Variants in NSD3 observed in about 807,000 individuals in gnomAD.
NSD3 encodes nuclear receptor binding SET domain protein 3, also known as histone-lysine N-methyltransferase NSD3.
A neutral mutation model predicts 160.8 loss-of-function variants in NSD3; 24 were observed. The observed-to-expected ratio is 0.15, with a 90% confidence interval of 0.11 to 0.21. NSD3 has a LOEUF of 0.21. NSD3 is among the 10% of genes least tolerant of loss of function. NSD3 has a pLI of 1.00. For missense variants in NSD3, 1,157 were observed against 1,735.9 expected (o/e 0.67, Z 5.93); for synonymous variants, 520 against 600.0 (o/e 0.87, Z 1.95).
chr8:38,318,725 G>C lies in NSD3; in HGVS notation c.1855+170C>G, dbSNP rs1809727609. Among the ~76,000 whole-genome samples the C allele has an allele frequency of 6.6e-6, 1 of 152,038 alleles. No individual in the cohort carries two copies. Among genetic ancestry groups the C allele is most frequent in the Non-Finnish European group, 1.5e-5 (1 of 67,986 alleles). ...CTTTTCACGTGGAGGTACAGAATAAGATCAACTCTAAAAGTCACACACACA... is the reference window on the plus strand; with the variant it reads ...CTTTTCACGTGGAGGTACAGAATAACATCAACTCTAAAAGTCACACACACA... On this transcript the variant is annotated intron_variant, in intron 9 of 23. Transcript: ENST00000317025. This position sits in a 1 kb window ranked among gnomAD's most constrained non-coding sequence, Gnocchi z 5.3.
At chr8:38,368,207 G>A (rs995659425) in intron 1 of NSD3, among the ~76,000 whole-genome samples, 4 of 152,144 alleles carry the variant, frequency 2.6e-5, no homozygotes, top group Non-Finnish European at 4.4e-5. Context: ...TGATCCACTC[G>A]CCTTGGCCTC....
At chr8:38,307,138 A>T (rs1432558608) in intron 12 of NSD3, among the ~76,000 whole-genome samples, 2 of 148,654 alleles carry the variant, frequency 1.3e-5, no homozygotes, top group East Asian at 3.9e-4. Flanking sequence ...ATAAAATAAA[A>T]TAAATAAATA....
intron 1 of NSD3, among the ~76,000 whole-genome samples, chr8:38,378,475 A>G (rs543699085): frequency 6.6e-6 from 1 of 152,322 alleles, no homozygotes; most frequent in South Asian, 2.1e-4. Context: ...CCCTGTCTCT[A>G]CTAAAAAATA....
chr8:38,371,576 A>T (rs1452404566), intron 1 of NSD3, among the ~76,000 whole-genome samples: 4 of 152,220 alleles, frequency 2.6e-5, no homozygotes, highest in Non-Finnish European at 5.9e-5. Flanking sequence ...TTTAACCTTC[A>T]GTGGGAGTAA....
intron 2 of NSD3, among the ~76,000 whole-genome samples, chr8:38,345,736 T>A (rs1810504502): frequency 6.7e-6 from 1 of 149,830 alleles, no homozygotes. Context: ...CATGACCCTG[T>A]CTCTACTTGA....
rs1334105502 is a variant in NSD3 at position 38,382,090 on chromosome 8, C to A, written c.-336G>T. The A allele has an allele frequency of 6.6e-6, 1 of 152,358 alleles. No individual in the cohort carries two copies. Among genetic ancestry groups the A allele is most frequent in the Admixed American group, 6.6e-5 (1 of 15,238 alleles). 9.4% of individuals were successfully genotyped at this position (152,358 alleles called of 1,614,324 possible). On this transcript the variant is annotated 5_prime_UTR_variant, in exon 1 of 24. Transcript: ENST00000317025. This position sits in a 1 kb window ranked among gnomAD's most constrained non-coding sequence, Gnocchi z 4.2. ...GGAGGCCGAGGGACGGGGGTCGCCG[C>A]GCCGCCGCTGCTGCCAGAGAGGAGC...
At chr8:38,294,802 T>G (rs1809091934) in intron 16 of NSD3, among the ~76,000 whole-genome samples, 1 of 149,232 alleles carries the variant, frequency 6.7e-6, no homozygotes, top group Admixed American at 6.7e-5. Flanking sequence ...ATATAATGAG[T>G]CCCCATCTCA....
At chr8:38,312,372 T>C (rs1420682263) in intron 12 of NSD3, among the ~76,000 whole-genome samples, 1 of 152,196 alleles carries the variant, frequency 6.6e-6, no homozygotes, top group Non-Finnish European at 1.5e-5. Flanking sequence ...CTAGCCTCTG[T>C]TGGAAGAATT....
chr8:38,370,633 G>A (rs1407928319), intron 1 of NSD3, among the ~76,000 whole-genome samples: 1 of 152,020 alleles, frequency 6.6e-6, no homozygotes, highest in East Asian at 1.9e-4. Context: ...TAAATGTTAT[G>A]AATAAATGCT....
intron 19 of NSD3, among the ~76,000 whole-genome samples, chr8:38,286,807 C>T (rs756464970): frequency 2.0e-5 from 3 of 152,192 alleles, no homozygotes; most frequent in Non-Finnish European, 4.4e-5. Flanking sequence ...TTTACAGCTG[C>T]CTGCCTCCAG....
intron 1 of NSD3, among the ~76,000 whole-genome samples, chr8:38,380,027 G>A (rs906673538): frequency 6.6e-6 from 1 of 151,956 alleles, no homozygotes; most frequent in African/African-American, 2.4e-5. Flanking sequence ...ATCAAAAAAC[G>A]AACAAACAAA....
Position 38,272,591 on chromosome 8 carries a change from C to T in NSD3, c.*3050G>A, listed in dbSNP as rs908997724. On this transcript the variant is annotated 3_prime_UTR_variant, in exon 24 of 24. Coordinates refer to ENST00000317025, the MANE Select transcript of NSD3 (RefSeq NM_023034.2). ...ATTTCATCTTTAGCTCTTACTGATC[C>T]AGTTTCTGAAGCTTTAGGCTGATTA... The T allele has an allele frequency of 7.9e-5, 12 of 152,204 alleles. No homozygotes were observed. Among genetic ancestry groups the T allele is most frequent in the African/African-American group, 2.7e-4 (11 of 41,452 alleles). 9.4% of individuals were successfully genotyped at this position (152,204 alleles called of 1,614,324 possible). A position where few individuals can be genotyped will look rare whatever the true frequency, so the allele number is the denominator to read the frequency against.
intron 5 of NSD3, 122 bp from the exon 6 acceptor site, chr8:38,330,015 G>A: frequency 8.7e-7 from 1 of 1,152,146 alleles, no homozygotes; most frequent in Non-Finnish European, 1.2e-6. Flanking sequence ...CAGGTTCTTT[G>A]GTCAAACAAG....
Position 38,290,649 on chromosome 8 carries a change from T to G in NSD3, c.2944A>C (p.Arg982=). ...RWWPAEICNP[R]SVPLNIQGLK... is the part of the protein sequence containing the mutation. ...CCCTGGATGTTCAGTGGCACAGACC[T>G]GGGGTTGCAGATCTCTGCTGGCCAC... Residue 982 remains arginine, a synonymous_variant, in exon 17 of 24, where the codon AGG becomes CGG. Transcript: ENST00000317025. 6.2e-7 allele frequency: 1 copy of G among 1,613,910 alleles called. No individual in the cohort carries two copies. The highest frequency in any genetic ancestry group is 1.7e-4 in the Middle Eastern group (1 of 6,004).
chr8:38,281,535 A>G lies in NSD3; in HGVS notation c.3550T>C (p.Cys1184Arg). ...YVGELIDEEE[C>R]RLRIKRAHEN... ...TGGGCTCGCTTGATTCGCAATCTGC[A>G]TTCTTCTTCATCAATTAATTCACCG... The change falls in exon 20 of 24, where the codon TGC (cysteine) becomes CGC (arginine). Residue 1184 changes from cysteine (C) to arginine (R), a missense_variant. Transcript: ENST00000317025. 1 of 1,608,476 alleles carries G rather than the reference A, an allele frequency of 6.2e-7. No homozygotes were observed. The highest frequency in any genetic ancestry group is 1.3e-5 in the African/African-American group (1 of 74,826).
chr8:38,335,609 ATTAGAGGGGTAGGGTAC>A (rs1427662099), intron 4 of NSD3, among the ~76,000 whole-genome samples: 11 of 151,906 alleles, frequency 7.2e-5, no homozygotes, highest in African/African-American at 2.7e-4. Context: ...ACCATAGATT[ATTAGAGGGGTAGGGTAC>A]TTCAGAGATG....
chr8:38,275,533 A>T lies in NSD3; in HGVS notation c.*108T>A. ...CTGGTTTCCCATTTTTGCTTTAATA[A>T]GGCAGTTCCGATGGCAAAGGCTGTA... On this transcript the variant is annotated 3_prime_UTR_variant, in exon 24 of 24. Coordinates refer to ENST00000317025, the MANE Select transcript of NSD3 (RefSeq NM_023034.2). 1 of 1,113,474 alleles carries T rather than the reference A, an allele frequency of 9.0e-7. No individual in the cohort carries two copies. The highest frequency in any genetic ancestry group is 1.3e-6 in the Non-Finnish European group (1 of 795,246). The allele number at this position is 1,113,474 out of a possible 1,614,324, so 69.0% of individuals were successfully genotyped here.
At chr8:38,366,110 C>CAAAAAAAA (rs757397268) in intron 1 of NSD3, among the ~76,000 whole-genome samples, 1 of 44,332 alleles carries the variant, frequency 2.3e-5, no homozygotes, top group Non-Finnish European at 4.9e-5. Context: ...GACTCTGTCT[C>CAAAAAAAA]AAAAAAAAAA....
intron 1 of NSD3, among the ~76,000 whole-genome samples, chr8:38,355,452 T>C (rs148898602): frequency 9.2e-5 from 14 of 152,064 alleles, no homozygotes; most frequent in African/African-American, 3.1e-4. Flanking sequence ...ACTTTCAATC[T>C]CTTTAGCAAG....
Sources: gnomAD v4.1 joint callset for allele counts (sites outside exome capture counted in the v4.1 genomes callset) on GRCh38, gnomAD v4.1.1 for gene constraint, Gnocchi (gnomAD v3.1) non-coding constraint, MANE v1.5 for transcripts, NCBI Gene and HGNC (gene_info 2026-07-23, HGNC 2026-07-21) for gene names.